The following SRPK1 variants were observed in gnomAD, a reference collection of about 807,000 sequenced individuals.
SRPK1 encodes SRSF protein kinase 1, also known as SFRS protein kinase 1.
Under a neutral mutation model 89.5 loss-of-function variants are expected in SRPK1, and 52 were observed. The observed-to-expected ratio is 0.58, with a 90% CI of 0.46 to 0.73. SRPK1 has a LOEUF of 0.73. Among genes scored for constraint, SRPK1 ranks in the 30% least tolerant of loss-of-function variants. SRPK1 has a pLI of 0.00. For missense variants in SRPK1, 603 were observed against 780.6 expected (o/e 0.77, Z 2.71); for synonymous variants, 255 against 270.2 (o/e 0.94, Z 0.55).
intron 2 of SRPK1, among the ~76,000 whole-genome samples, chr6:35,901,359 C>A (rs1770735343): frequency 6.6e-6 from 1 of 152,132 alleles, no homozygotes; most frequent in Non-Finnish European, 1.5e-5. Flanking sequence ...TAGAGACACA[C>A]ACACATATAG....
chr6:35,835,558 C>A, intron 15 of SRPK1, 70 bp from the exon 16 acceptor site: 1 of 1,401,006 alleles, frequency 7.1e-7, no homozygotes, highest in African/African-American at 1.4e-5. Flanking sequence ...CTTGTGGAAA[C>A]CCACAAACTA....
chr6:35,914,033 T>C (rs1342986361), intron 2 of SRPK1, among the ~76,000 whole-genome samples: 1 of 140,458 alleles, frequency 7.1e-6, no homozygotes, highest in African/African-American at 2.6e-5. Context: ...TGGAGTGCAA[T>C]GGCACGATCT....
chr6:35,918,096 T>C (rs1166116560), intron 2 of SRPK1, among the ~76,000 whole-genome samples: 4 of 152,220 alleles, frequency 2.6e-5, no homozygotes, highest in African/African-American at 9.6e-5. Flanking sequence ...TAGTTGAGGC[T>C]TGAACTTCTA....
intron 12 of SRPK1, among the ~76,000 whole-genome samples, chr6:35,863,837 T>C (rs1335122341): frequency 6.6e-6 from 1 of 152,138 alleles, no homozygotes. Flanking sequence ...ACAGTAAGTA[T>C]ACAGAAAAAC....
rs574044400 is a variant in SRPK1 at position 35,833,198 on chromosome 6, A to G, written c.*2106T>C. The G allele has an allele frequency of 8.5e-5, 13 of 152,794 alleles. No homozygotes were observed. Among genetic ancestry groups the G allele is most frequent in the Admixed American group, 5.2e-4 (8 of 15,298 alleles). The allele number at this position is 152,794 out of a possible 1,614,324, so 9.5% of individuals were successfully genotyped here. On this transcript the variant is annotated 3_prime_UTR_variant, in exon 16 of 16. Coordinates refer to ENST00000373825, the MANE Select transcript of SRPK1 (RefSeq NM_003137.5). ...TTTGACAGTATTATAATTAAGCTCA[A>G]TAAAGGTACATGGGGTACCTGGAAG...
chr6:35,892,127 T>C (rs1770530068), intron 2 of SRPK1, among the ~76,000 whole-genome samples: 1 of 152,356 alleles, frequency 6.6e-6, no homozygotes, highest in East Asian at 1.9e-4. Context: ...CAGCCACACA[T>C]GGGCTTTTGG....
intron 2 of SRPK1, among the ~76,000 whole-genome samples, chr6:35,909,680 G>T (rs928934509): frequency 1.9e-4 from 29 of 152,232 alleles, no homozygotes; most frequent in African/African-American, 6.8e-4. Flanking sequence ...CCACGTGGGA[G>T]GTGATCAGAT....
chr6:35,870,265 G>C lies in SRPK1; in HGVS notation c.991+16C>G, dbSNP rs756016110. ...AAGTGTGTTGTACAGTAATTTTCGT[G>C]ATGTTCTATTTATACCAAGTTTTTC... On this transcript the variant is annotated intron_variant, in intron 10 of 15. Coordinates refer to ENST00000373825, the MANE Select transcript of SRPK1 (RefSeq NM_003137.5). The C allele has an allele frequency of 1.9e-6, 3 of 1,603,918 alleles. No homozygotes were observed. The highest frequency in any genetic ancestry group is 2.6e-6 in the Non-Finnish European group (3 of 1,174,282).
intron 13 of SRPK1, among the ~76,000 whole-genome samples, chr6:35,843,890 A>C (rs1769371929): frequency 6.6e-6 from 1 of 152,150 alleles, no homozygotes; most frequent in South Asian, 2.1e-4. Flanking sequence ...ACAGTGCTCG[A>C]GAGTGTCTTA....
At chr6:35,843,366 T>C (rs1347106592) in intron 13 of SRPK1, among the ~76,000 whole-genome samples, 2 of 152,092 alleles carry the variant, frequency 1.3e-5, no homozygotes, top group East Asian at 3.9e-4. Context: ...CTTCTACTTA[T>C]GACTCTTTAG....
At chr6:35,893,026 CAA>C (rs2127259180) in intron 2 of SRPK1, among the ~76,000 whole-genome samples, 1 of 152,244 alleles carries the variant, frequency 6.6e-6, no homozygotes, top group Non-Finnish European at 1.5e-5. Context: ...CTGCATGATT[CAA>C]TGTTCATTGT....
At chr6:35,884,075 T>C (rs946946149) in intron 6 of SRPK1, among the ~76,000 whole-genome samples, 1 of 151,618 alleles carries the variant, frequency 6.6e-6, no homozygotes, top group African/African-American at 2.4e-5. Context: ...GGAGACAGTG[T>C]AAAGAAAATA....
At chr6:35,870,811 A>G in intron 9 of SRPK1, 123 bp downstream of exon 9, 1 of 815,822 alleles carries the variant, frequency 1.2e-6, no homozygotes, top group Non-Finnish European at 1.9e-6. Context: ...AAATTATAGA[A>G]GCGCAGGAAT....
intron 14 of SRPK1, chr6:35,838,638 C>T: frequency 6.4e-7 from 1 of 1,553,938 alleles, no homozygotes; most frequent in South Asian, 1.1e-5. Flanking sequence ...TCAGTGATAA[C>T]TAAAAACAAT....
intron 2 of SRPK1, among the ~76,000 whole-genome samples, chr6:35,912,662 C>G (rs1423161970): frequency 6.6e-6 from 1 of 152,132 alleles, no homozygotes; most frequent in Non-Finnish European, 1.5e-5. Context: ...TATCCCCAAA[C>G]TAGTAACAGT....
At chr6:35,905,066 G>C (rs980899808) in intron 2 of SRPK1, 1 of 358,622 alleles carries the variant, frequency 2.8e-6, no homozygotes, top group Non-Finnish European at 5.4e-6. Context: ...GGGAATGCTT[G>C]AGCCCAGGAG....
intron 7 of SRPK1, 59 bp from the exon 8 acceptor site, chr6:35,872,787 AAG>A: frequency 2.8e-6 from 4 of 1,423,350 alleles, no homozygotes; most frequent in Non-Finnish European, 3.7e-6. Context: ...CTGGAGAAGT[AAG>A]AGATTATAAC....
chr6:35,888,710 G>C (rs914447520), intron 4 of SRPK1, 105 bp downstream of exon 4: 17 of 740,026 alleles, frequency 2.3e-5, no homozygotes, highest in Middle Eastern at 3.6e-4. Context: ...TCTGATAAAT[G>C]AATCAGGCTA....
intron 6 of SRPK1, among the ~76,000 whole-genome samples, chr6:35,884,709 A>C (rs1053086078): frequency 5.9e-5 from 9 of 152,154 alleles, no homozygotes; most frequent in Admixed American, 2.6e-4. Context: ...TGTTTGAAAA[A>C]TATCTTGGGG....
Sources: gnomAD v4.1 joint callset for allele counts (sites outside exome capture counted in the v4.1 genomes callset) on GRCh38, gnomAD v4.1.1 for gene constraint, MANE v1.5 for transcripts, NCBI Gene and HGNC (gene_info 2026-07-23, HGNC 2026-07-21) for gene names.